Variants in LYN observed in about 807,000 individuals in gnomAD.
LYN encodes the protein LYN proto-oncogene, Src family tyrosine kinase, also known as tyrosine-protein kinase Lyn.
Under a neutral mutation model 65.0 loss-of-function variants are expected in LYN, and 12 were observed. The ratio of observed to expected loss-of-function variants is 0.18; its 90% confidence interval spans 0.12 to 0.30. The LOEUF is 0.30. LYN is among the 10% of genes least tolerant of loss of function. LYN has a pLI of 1.00. For missense variants in LYN, 380 were observed against 623.2 expected (o/e 0.61, Z 4.16); for synonymous variants, 222 against 221.2 (o/e 1.00, Z -0.03).
chr8:55,885,326 G>C (rs957342453), intron 1 of LYN, among the ~76,000 whole-genome samples: 1 of 152,182 alleles, frequency 6.6e-6, no homozygotes, highest in African/African-American at 2.4e-5. Context: ...TAGTTTTTTA[G>C]TTGGTCTCAT....
chr8:55,995,793 G>C (rs894103472), intron 10 of LYN, among the ~76,000 whole-genome samples: 2 of 152,150 alleles, frequency 1.3e-5, no homozygotes, highest in Admixed American at 6.5e-5. Flanking sequence ...CGGGTCATAC[G>C]GGGCCTTGGC....
Position 56,013,696 on chromosome 8 carries a change from G to A in LYN, c.*3586G>A, listed in dbSNP as rs1458833393. 6.6e-6 allele frequency: 1 copy of A among 152,196 alleles called. No individual in the cohort carries two copies. Among genetic ancestry groups the A allele is most frequent in the Non-Finnish European group, 1.5e-5 (1 of 68,060 alleles). 9.4% of individuals were successfully genotyped at this position (152,196 alleles called of 1,614,324 possible). ...TCAAATAAATTAAATGCTGGTCCTA[G>A]GGCTCGCTCCCCAGCTCTTCTGATG... On this transcript the variant is annotated 3_prime_UTR_variant, in exon 13 of 13. Transcript: ENST00000519728.
At chr8:55,988,970 A>G (rs1808162910) in intron 10 of LYN, among the ~76,000 whole-genome samples, 1 of 152,228 alleles carries the variant, frequency 6.6e-6, no homozygotes, top group Admixed American at 6.5e-5. Context: ...AGTAATTAGG[A>G]TGAACAGAAG....
chr8:55,888,201 C>T (rs1281505161), intron 1 of LYN, among the ~76,000 whole-genome samples: 10 of 152,176 alleles, frequency 6.6e-5, no homozygotes, highest in Admixed American at 5.9e-4. Flanking sequence ...GGGTACACAC[C>T]TGCCATGTTG....
At chr8:55,946,522 T>A (rs766757650) in intron 3 of LYN, 29 bp downstream of exon 3, 12 of 1,481,898 alleles carry the variant, frequency 8.1e-6, no homozygotes, top group Admixed American at 5.5e-5. Context: ...ATAGTTAAAA[T>A]TTTTTTTCTT....
chr8:55,895,182 T>A (rs1805060550), intron 1 of LYN, among the ~76,000 whole-genome samples: 1 of 152,116 alleles, frequency 6.6e-6, no homozygotes, highest in Non-Finnish European at 1.5e-5. Context: ...GCGTTTTAAC[T>A]GCTTGTCTCT....
intron 6 of LYN, among the ~76,000 whole-genome samples, chr8:55,951,664 C>CA (rs75568524): frequency 0.11 from 11,925 of 108,668 alleles, 1,028 homozygotes; most frequent in African/African-American, 0.27. Flanking sequence ...CAACCTATTT[C>CA]AAAAAAAAAA....
chr8:55,975,399 G>A (rs989887864), intron 10 of LYN, among the ~76,000 whole-genome samples: 2 of 152,184 alleles, frequency 1.3e-5, no homozygotes, highest in Non-Finnish European at 2.9e-5. Context: ...GAGATGGGAG[G>A]CACAGGTTGG....
At position 55,998,416 on chromosome 8, in the gene LYN, T is replaced by C. The variant is rs775942701; in HGVS notation, c.1121T>C (p.Leu374Pro). The change falls in exon 11 of 13, where the codon CTG becomes CCG. Residue 374 changes from leucine (L) to proline (P), a missense_variant. Transcript: ENST00000519728. ...CGGGACCTGCGAGCAGCTAATGTTC[T>C]GGTCTCCGAGTCACTCATGTGCAAA... ...IHRDLRAANV[L>P]VSESLMCKIA... The C allele has an allele frequency of 6.2e-7, 1 of 1,614,116 alleles. No individual in the cohort carries two copies. The highest frequency in any genetic ancestry group is 8.5e-7 in the Non-Finnish European group (1 of 1,179,938).
At chr8:55,935,040 G>A (rs146889838) in intron 1 of LYN, among the ~76,000 whole-genome samples, 3 of 152,076 alleles carry the variant, frequency 2.0e-5, no homozygotes, top group East Asian at 1.9e-4. Context: ...GCAGCTCCAC[G>A]GGCCATGGTC....
rs548911482 is a variant in LYN at position 55,985,087 on chromosome 8, A to G, written c.1051-13259A>G. On this transcript the variant is annotated intron_variant, in intron 10 of 12. Coordinates refer to ENST00000519728, the MANE Select transcript of LYN (RefSeq NM_002350.4). ...CTGCCATTGAGAAGTTGCTGAACCG[A>G]GCAAGTGATCCTTTTTCTAGGTCAC... Among the ~76,000 whole-genome samples, 8 of 152,304 alleles carry G rather than the reference A, an allele frequency of 5.3e-5. No homozygotes were observed. The East Asian group carries it at 1.5e-3, about 29-fold the overall frequency.
intron 1 of LYN, among the ~76,000 whole-genome samples, chr8:55,915,838 G>A (rs144012041): frequency 1.7e-4 from 26 of 152,192 alleles, no homozygotes; most frequent in African/African-American, 4.1e-4. Flanking sequence ...GCGAGCGAGC[G>A]AGAGACATCG....
chr8:55,951,917 G>T, intron 6 of LYN, 49 bp from the exon 7 acceptor site: 1 of 1,513,540 alleles, frequency 6.6e-7, no homozygotes, highest in Middle Eastern at 1.7e-4. Flanking sequence ...GTATAATGCA[G>T]ATCTTATTTG....
At chr8:55,919,909 G>C (rs934332881) in intron 1 of LYN, among the ~76,000 whole-genome samples, 1 of 150,258 alleles carries the variant, frequency 6.7e-6, no homozygotes, top group East Asian at 1.9e-4. Context: ...AGGGTTGGGC[G>C]GGGGGAGTGG....
intron 1 of LYN, among the ~76,000 whole-genome samples, chr8:55,934,734 G>C (rs551817044): frequency 2.0e-5 from 3 of 152,222 alleles, no homozygotes; most frequent in African/African-American, 7.2e-5. Context: ...GTTGAGGGGG[G>C]TGCACCCTGT....
rs529277240 is a variant in LYN, at chr8:55,960,746, A to T, written c.791-5969A>T. Among the ~76,000 whole-genome samples the T allele has an allele frequency of 3.3e-4, 51 of 152,378 alleles. 1 individual carries two copies. The highest frequency in any genetic ancestry group is 1.2e-3 in the African/African-American group (49 of 41,594). On this transcript the variant is annotated intron_variant, in intron 8 of 12. Coordinates refer to ENST00000519728, the MANE Select transcript of LYN (RefSeq NM_002350.4). Reference sequence around the variant, plus strand: ...CAGTAAGTTAATATTTTTGTTAAACATAAGGAATTGTTCATGGACAACCCA... The same window carrying T: ...CAGTAAGTTAATATTTTTGTTAAACTTAAGGAATTGTTCATGGACAACCCA...
intron 8 of LYN, among the ~76,000 whole-genome samples, chr8:55,964,516 G>A (rs1213054305): frequency 6.6e-6 from 1 of 152,128 alleles, no homozygotes; most frequent in Non-Finnish European, 1.5e-5. Context: ...TTGTTTGAAG[G>A]CTTGGAAATA....
At chr8:55,894,166 A>C (rs757716912) in intron 1 of LYN, 1 of 152,526 alleles carries the variant, frequency 6.6e-6, no homozygotes. Flanking sequence ...GCCTGTCTGC[A>C]TCCCCCAACC....
chr8:55,933,837 A>T (rs1323515205), intron 1 of LYN, among the ~76,000 whole-genome samples: 1 of 152,222 alleles, frequency 6.6e-6, no homozygotes, highest in East Asian at 1.9e-4. Context: ...TGCAGTGATT[A>T]AAACTGTGCC....
Sources: gnomAD v4.1 joint callset for allele counts (sites outside exome capture counted in the v4.1 genomes callset) on GRCh38, gnomAD v4.1.1 for gene constraint, MANE v1.5 for transcripts, NCBI Gene and HGNC (gene_info 2026-07-23, HGNC 2026-07-21) for gene names.